The following CACNA1E variants were observed in gnomAD, a reference collection of about 807,000 sequenced individuals.
CACNA1E encodes calcium voltage-gated channel subunit alpha1 E, also known as voltage-dependent R-type calcium channel subunit alpha-1E.
In CACNA1E, 40 loss-of-function variants were observed where a neutral mutation model predicts 259.2. The observed-to-expected ratio is 0.15, with a 90% CI of 0.12 to 0.20. CACNA1E has a LOEUF of 0.20. Among genes scored for constraint, CACNA1E ranks in the 10% least tolerant of loss-of-function variants. CACNA1E has a pLI of 1.00. For missense variants in CACNA1E, 1,874 were observed against 3,040.1 expected (o/e 0.62, Z 9.02); for synonymous variants, 1,104 against 1,138.5 (o/e 0.97, Z 0.61).
intron 6 of CACNA1E, among the ~76,000 whole-genome samples, chr1:181,645,734 C>A (rs1658208071): frequency 6.6e-6 from 1 of 152,204 alleles, no homozygotes; most frequent in Non-Finnish European, 1.5e-5. Context: ...GGTGTTTCCC[C>A]CATTAGATCA....
At chr1:181,686,275 G>GTTTTTTTT in intron 7 of CACNA1E, among the ~76,000 whole-genome samples, 1 of 58,634 alleles carries the variant, frequency 1.7e-5, no homozygotes, top group Non-Finnish European at 3.2e-5. Flanking sequence ...TAAGAACCAA[G>GTTTTTTTT]TTTTTTTTTT....
intron 3 of CACNA1E, among the ~76,000 whole-genome samples, chr1:181,549,610 C>G (rs1451273276): frequency 6.6e-6 from 1 of 152,172 alleles, no homozygotes; most frequent in Non-Finnish European, 1.5e-5. Context: ...TGAGAAGTGA[C>G]TGTCTAAAGG....
chr1:181,541,821 C>T (rs1452002749), intron 3 of CACNA1E, among the ~76,000 whole-genome samples: 1 of 152,202 alleles, frequency 6.6e-6, no homozygotes, highest in Non-Finnish European at 1.5e-5. Context: ...GTTCAAATCT[C>T]AGCTTTGTCA....
chr1:181,364,427 C>T (rs1317742256), intron 1 of CACNA1E, among the ~76,000 whole-genome samples: 1 of 152,136 alleles, frequency 6.6e-6, no homozygotes, highest in Non-Finnish European at 1.5e-5. Context: ...GAGTGCCTGG[C>T]TCATGGCAGG....
chr1:181,412,534 C>T (rs1657928107), intron 1 of CACNA1E, among the ~76,000 whole-genome samples: 1 of 151,906 alleles, frequency 6.6e-6, no homozygotes, highest in East Asian at 1.9e-4. Flanking sequence ...TGCACCATTG[C>T]ACTCCAGCCT....
At chr1:181,723,305 A>G (rs1654578469) in intron 16 of CACNA1E, among the ~76,000 whole-genome samples, 1 of 152,064 alleles carries the variant, frequency 6.6e-6, no homozygotes. Context: ...ATGAGCTCCC[A>G]TACTGAGCTC....
intron 7 of CACNA1E, among the ~76,000 whole-genome samples, chr1:181,659,068 G>T (rs888996588): frequency 6.6e-6 from 1 of 152,094 alleles, no homozygotes; most frequent in Non-Finnish European, 1.5e-5. Context: ...AACCTAGGGA[G>T]CAGGTTTCTT....
At position 181,733,296 on chromosome 1, in the gene CACNA1E, C is replaced by A. The variant is rs556109965; in HGVS notation, c.2949-141C>A. ...CTTGTGGGTCTTAGCACCTCTCTGC[C>A]TGTCTGGTTGGGGTGGAAGGCAGTG... is the stretch of plus-strand genomic sequence containing the variant. On this transcript the variant is annotated intron_variant, in intron 20 of 47. Coordinates refer to ENST00000367573, the MANE Select transcript of CACNA1E (RefSeq NM_001205293.3). 4 of 816,404 alleles carry A rather than the reference C, an allele frequency of 4.9e-6. No individual in the cohort carries two copies. In the South Asian group the frequency reaches 6.1e-5, roughly 12 times the overall value. The allele number at this position is 816,404 out of a possible 1,614,324, so 50.6% of individuals were successfully genotyped here.
At chr1:181,629,255 C>T (rs1211514223) in intron 6 of CACNA1E, among the ~76,000 whole-genome samples, 1 of 151,994 alleles carries the variant, frequency 6.6e-6, no homozygotes, top group African/African-American at 2.4e-5. Flanking sequence ...AGCAGTGAAG[C>T]AGCTGATGCT....
rs750643487 is a variant in CACNA1E at position 181,717,223 on chromosome 1, G to A, written c.1446G>A (p.Val482=). The stretch of plus-strand genomic sequence containing the variant: ...AATCCCAGGTGTTTTACTGGATTGT[G>A]CTGAGCCTTGTGGCACTCAACACTG... ...MVKSQVFYWI[V]LSLVALNTAC... The change falls in exon 11 of 48, where the codon GTG becomes GTA. Residue 482 remains valine, a synonymous_variant. Coordinates refer to ENST00000367573, the MANE Select transcript of CACNA1E (RefSeq NM_001205293.3). 9.3e-6 allele frequency: 15 copies of A among 1,613,856 alleles called. No individual in the cohort carries two copies. The African/African-American group carries it at 1.6e-4, about 17-fold the overall frequency.
At chr1:181,757,247 G>A (rs778053230) in intron 30 of CACNA1E, 121 bp downstream of exon 30, 7 of 698,562 alleles carry the variant, frequency 1.0e-5, no homozygotes, top group Non-Finnish European at 1.4e-5. Context: ...GAGAGAAGAT[G>A]GGAAAAGTAA....
At chr1:181,459,081 C>T (rs1256576441) in intron 2 of CACNA1E, among the ~76,000 whole-genome samples, 3 of 152,180 alleles carry the variant, frequency 2.0e-5, no homozygotes, top group African/African-American at 7.2e-5. Context: ...GGTGATGTCA[C>T]AGACTGTGAC....
chr1:181,783,655 G>A, intron 39 of CACNA1E, 24 bp from the exon 40 acceptor site: 2 of 1,309,436 alleles, frequency 1.5e-6, no homozygotes, highest in Non-Finnish European at 2.1e-6. Context: ...TTTGCCTGCT[G>A]TTTCTTTTTT....
At chr1:181,354,492 G>C (rs541820554) in intron 1 of CACNA1E, among the ~76,000 whole-genome samples, 1 of 152,158 alleles carries the variant, frequency 6.6e-6, no homozygotes, top group African/African-American at 2.4e-5. Flanking sequence ...TGATCAGTGT[G>C]GGGGGCACTG....
chr1:181,642,393 C>T (rs1022828377), intron 6 of CACNA1E, among the ~76,000 whole-genome samples: 2 of 152,052 alleles, frequency 1.3e-5, no homozygotes, highest in African/African-American at 4.8e-5. Context: ...TCCTGACAAC[C>T]ATAGGACAAA....
rs1655726873 is a variant in CACNA1E, at chr1:181,733,546, G to A, written c.3058G>A (p.Val1020Met). ...TGAGCTGGAAGTGGGGAAGCACGTG[G>A]TGCTGACGGAGCAGGAGCCAGAAGG... ...HPELEVGKHV[V>M]LTEQEPEGSS... The change falls in exon 21 of 48, where the codon GTG (valine) becomes ATG (methionine). Residue 1020 changes from valine (V) to methionine (M), a missense_variant. Val to Met is a conservative substitution (Grantham distance 21). Coordinates refer to ENST00000367573, the MANE Select transcript of CACNA1E (RefSeq NM_001205293.3). 1.9e-6 allele frequency: 3 copies of A among 1,612,750 alleles called. No individual in the cohort carries two copies. The highest frequency in any genetic ancestry group is 8.5e-7 in the Non-Finnish European group (1 of 1,179,294).
intron 1 of CACNA1E, among the ~76,000 whole-genome samples, chr1:181,338,899 G>A (rs1481291435): frequency 1.3e-5 from 2 of 151,192 alleles, no homozygotes; most frequent in Non-Finnish European, 3.0e-5. Context: ...AGTTTTTCTA[G>A]CACAATTAAT....
chr1:181,498,591 C>G (rs1036129307), intron 1 of CACNA1E, among the ~76,000 whole-genome samples: 6 of 152,124 alleles, frequency 3.9e-5, no homozygotes, highest in African/African-American at 1.4e-4. Flanking sequence ...CATTTCCCTT[C>G]CCATCATGTT....
intron 1 of CACNA1E, among the ~76,000 whole-genome samples, chr1:181,397,314 C>T (rs975993637): frequency 2.0e-5 from 3 of 152,120 alleles, no homozygotes; most frequent in African/African-American, 7.2e-5. Context: ...AACCCAGGCC[C>T]CTGCCTCGGT....
Sources: allele counts gnomAD v4.1 joint callset (sites outside exome capture counted in the v4.1 genomes callset), GRCh38; gene constraint gnomAD v4.1.1; transcripts MANE v1.5; gene names NCBI Gene and HGNC (gene_info 2026-07-23, HGNC 2026-07-21).